SORCS2: variants seen among roughly 807,000 people sequenced by gnomAD.
SORCS2 encodes the protein VPS10 domain-containing receptor SorCS2.
SORCS2 carries 100 observed loss-of-function variants against 141.6 expected under a neutral mutation model. That is an observed-to-expected ratio of 0.71 (90% confidence interval 0.60 to 0.83). The LOEUF (loss-of-function observed/expected upper bound fraction) is 0.83. Ranked by LOEUF, SORCS2 falls within the 40% of genes least tolerant of loss-of-function variation. The pLI, the probability that SORCS2 is intolerant of heterozygous loss-of-function variation, is 0.00. For missense variants in SORCS2, 1,646 were observed against 1,560.2 expected (o/e 1.05, Z -0.93); for synonymous variants, 789 against 676.9 (o/e 1.17, Z -2.57).
At chr4:7,666,072 C>T (rs534965365) in intron 7 of SORCS2, among the ~76,000 whole-genome samples, 1 of 152,130 alleles carries the variant, frequency 6.6e-6, no homozygotes, top group South Asian at 2.1e-4. Flanking sequence ...TGAGGTCCTG[C>T]TAGGATTGGG....
At chr4:7,208,322 TC>T (rs1330745816) in intron 1 of SORCS2, among the ~76,000 whole-genome samples, 1 of 152,120 alleles carries the variant, frequency 6.6e-6, no homozygotes, top group Non-Finnish European at 1.5e-5. Flanking sequence ...GGTTTCTACT[TC>T]CTATGGCATT....
intron 2 of SORCS2, among the ~76,000 whole-genome samples, chr4:7,422,458 G>A (rs775096640): frequency 2.4e-4 from 36 of 152,104 alleles, no homozygotes; most frequent in Non-Finnish European, 4.7e-4. Flanking sequence ...AGGGAGAGAG[G>A]TGTGTGGACC....
chr4:7,439,830 C>A (rs1727543582), intron 2 of SORCS2, among the ~76,000 whole-genome samples: 1 of 152,116 alleles, frequency 6.6e-6, no homozygotes, highest in South Asian at 2.1e-4. Flanking sequence ...TGGGGTTATT[C>A]AAACATGGCT....
chr4:7,712,968 G>C, intron 15 of SORCS2, 115 bp downstream of exon 15: 2 of 1,437,308 alleles, frequency 1.4e-6, no homozygotes, highest in Non-Finnish European at 1.9e-6. Context: ...CCGCCTCCAA[G>C]AAGTCTTCAG....
In SORCS2 at chr4:7,742,326, A is replaced by C. The variant is rs918931688; in HGVS notation, c.*2062A>C. 1 of 152,304 alleles carries C rather than the reference A, an allele frequency of 6.6e-6. No individual in the cohort carries two copies. The highest frequency in any genetic ancestry group is 2.4e-5 in the African/African-American group (1 of 41,462). 9.4% of individuals were successfully genotyped at this position (152,304 alleles called of 1,614,324 possible). On this transcript the variant is annotated 3_prime_UTR_variant, in exon 27 of 27. Coordinates refer to ENST00000507866, the MANE Select transcript of SORCS2 (RefSeq NM_020777.3). ...AAGCGTCAGGCACACAGGGACAGAC[A>C]TGGCGAGCACAGTGCAGGCCCGGGG...
intron 14 of SORCS2, among the ~76,000 whole-genome samples, chr4:7,711,633 G>A (rs1205201297): frequency 6.6e-6 from 1 of 152,230 alleles, no homozygotes; most frequent in Non-Finnish European, 1.5e-5. Flanking sequence ...CCCAGAGAGG[G>A]AGAAAGCGAG....
Position 7,662,126 on chromosome 4 carries a change from T to A in SORCS2, c.952+562T>A, listed in dbSNP as rs552699102. Among the ~76,000 whole-genome samples, 328 of 152,046 alleles carry A rather than the reference T, an allele frequency of 2.2e-3. 2 individuals are homozygous for A. Among genetic ancestry groups the A allele is most frequent in the African/African-American group, 7.4e-3 (307 of 41,470 alleles). Reference sequence around the variant, plus strand: ...CCAGTCTCCTGGCCTGTGAAATGGATAGTGATATGAAATAAGTGAATGCAG... The same window carrying A: ...CCAGTCTCCTGGCCTGTGAAATGGAAAGTGATATGAAATAAGTGAATGCAG... On this transcript the variant is annotated intron_variant, in intron 6 of 26. Coordinates refer to ENST00000507866, the MANE Select transcript of SORCS2 (RefSeq NM_020777.3).
At chr4:7,676,460 T>G (rs146804006) in intron 9 of SORCS2, among the ~76,000 whole-genome samples, 115 of 152,322 alleles carry the variant, frequency 7.5e-4, no homozygotes, top group African/African-American at 2.5e-3. Context: ...CGAAATACAA[T>G]GATCATCAAG....
At chr4:7,453,569 GCTGTGTTGGGGTCAGGCA>G (rs1198303183) in intron 2 of SORCS2, among the ~76,000 whole-genome samples, 18 of 132,986 alleles carry the variant, frequency 1.4e-4, no homozygotes, top group Admixed American at 3.9e-4. Context: ...GGGGTCAGCT[GCTGTGTTGGGGTCAGGCA>G]CTGTGTTGGG....
intron 8 of SORCS2, among the ~76,000 whole-genome samples, chr4:7,668,626 G>C (rs527539222): frequency 7.9e-5 from 12 of 152,106 alleles, no homozygotes; most frequent in Non-Finnish European, 1.5e-4. Context: ...TAAAACCTTC[G>C]CTTTAAAAAC....
intron 2 of SORCS2, among the ~76,000 whole-genome samples, chr4:7,480,005 C>T (rs557413078): frequency 6.6e-6 from 1 of 152,360 alleles, no homozygotes; most frequent in Non-Finnish European, 1.5e-5. Context: ...AGCTCAGGGT[C>T]TGCTTAGGCA....
chr4:7,400,633 G>T (rs13106023), intron 2 of SORCS2, among the ~76,000 whole-genome samples: 1 of 152,106 alleles, frequency 6.6e-6, no homozygotes. Flanking sequence ...ATGGACAGCC[G>T]GGTGGATGGA....
At chr4:7,398,612 T>A (rs1432999971) in intron 2 of SORCS2, among the ~76,000 whole-genome samples, 1 of 152,258 alleles carries the variant, frequency 6.6e-6, no homozygotes, top group East Asian at 1.9e-4. Context: ...TTTCTTTGTT[T>A]ATATTATCTT....
At chr4:7,621,790 C>T (rs1719211204) in intron 3 of SORCS2, among the ~76,000 whole-genome samples, 1 of 152,366 alleles carries the variant, frequency 6.6e-6, no homozygotes, top group Non-Finnish European at 1.5e-5. Flanking sequence ...TCGGCTCTGT[C>T]TGAGACAGGC....
intron 1 of SORCS2, among the ~76,000 whole-genome samples, chr4:7,272,369 C>T (rs939625319): frequency 3.3e-5 from 5 of 152,246 alleles, no homozygotes; most frequent in Admixed American, 2.0e-4. Context: ...TGAAGAATGG[C>T]GTTGATTATA....
In SORCS2 at chr4:7,734,332, G is replaced by T; in HGVS notation, c.3269G>T (p.Gly1090Val). The T allele has an allele frequency of 6.3e-7, 1 of 1,597,278 alleles. No homozygotes were observed. Among genetic ancestry groups the T allele is most frequent in the Non-Finnish European group, 8.5e-7 (1 of 1,172,614 alleles). The change falls in exon 25 of 27, where the codon GGG becomes GTG. Residue 1090 changes from glycine to valine, a missense_variant. Transcript: ENST00000507866. Reference protein sequence around the residue: ...YWAVVVLFVIGLFAAGAFILY... With the variant: ...YWAVVVLFVIVLFAAGAFILY... Reference sequence around the variant, plus strand: ...GCGGTAGTGGTGCTGTTTGTCATCGGGCTCTTCGCAGCGGGAGCCTTCATC... The same window carrying T: ...GCGGTAGTGGTGCTGTTTGTCATCGTGCTCTTCGCAGCGGGAGCCTTCATC...
intron 10 of SORCS2, among the ~76,000 whole-genome samples, chr4:7,683,250 GCT>G (rs1560480824): frequency 4.5e-5 from 4 of 88,418 alleles, no homozygotes; most frequent in African/African-American, 2.0e-4. Flanking sequence ...CAGCTGAGCG[GCT>G]CTGCTGACCT....
At chr4:7,541,774 T>C (rs1247023604) in intron 3 of SORCS2, among the ~76,000 whole-genome samples, 2 of 152,202 alleles carry the variant, frequency 1.3e-5, no homozygotes, top group Non-Finnish European at 1.5e-5. Flanking sequence ...AGCCCTAGTT[T>C]CAGCCTTAAA....
At chr4:7,402,353 A>C (rs1010046081) in intron 2 of SORCS2, among the ~76,000 whole-genome samples, 1 of 152,158 alleles carries the variant, frequency 6.6e-6, no homozygotes, top group Non-Finnish European at 1.5e-5. Flanking sequence ...CAATATACAC[A>C]TCATAATGTA....
Sources: allele counts gnomAD v4.1 joint callset (sites outside exome capture counted in the v4.1 genomes callset), GRCh38; gene constraint gnomAD v4.1.1; transcripts MANE v1.5; gene names NCBI Gene and HGNC (gene_info 2026-07-23, HGNC 2026-07-21).